LINC00237: variants seen among roughly 807,000 people sequenced by gnomAD.
The protein encoded by LINC00237 is long intergenic non-protein coding RNA 237.
intron 1 of LINC00237, among the ~76,000 whole-genome samples, chr20:21,094,793 TATTCCCA>T (rs2030835468): frequency 6.6e-6 from 1 of 152,228 alleles, no homozygotes; most frequent in Non-Finnish European, 1.5e-5. Context: ...CTTACACCTG[TATTCCCA>T]GCACTTTGGG....
chr20:21,104,969 G>T (rs2030979194), intron 1 of LINC00237, among the ~76,000 whole-genome samples: 1 of 152,198 alleles, frequency 6.6e-6, no homozygotes, highest in Admixed American at 6.5e-5. Flanking sequence ...GAGAAGCTGG[G>T]AGAGAAATGG....
chr20:21,086,635 C>CTACATATAGTATACTA (rs1555861046), intron 3 of LINC00237, among the ~76,000 whole-genome samples: 1 of 68,648 alleles, frequency 1.5e-5, no homozygotes, highest in African/African-American at 4.9e-5. Context: ...ATATAGTATA[C>CTACATATAGTATACTA]TATATATAGT....
At chr20:21,099,627 C>G (rs2030904544) in intron 1 of LINC00237, among the ~76,000 whole-genome samples, 1 of 152,150 alleles carries the variant, frequency 6.6e-6, no homozygotes, top group African/African-American at 2.4e-5. Flanking sequence ...TGACAGACGA[C>G]CTGCTGACAC....
intron 2 of LINC00237, among the ~76,000 whole-genome samples, chr20:21,092,330 G>A (rs779373759): frequency 1.3e-5 from 2 of 152,206 alleles, no homozygotes; most frequent in Non-Finnish European, 2.9e-5. Flanking sequence ...TCAAGTCTCA[G>A]TGTGGTTGGA....
intron 1 of LINC00237, among the ~76,000 whole-genome samples, chr20:21,095,158 CA>C (rs1328059403): frequency 1.3e-5 from 2 of 152,170 alleles, no homozygotes; most frequent in African/African-American, 4.8e-5. Flanking sequence ...ATGGGAGTAA[CA>C]GTCTGGGACT....
At chr20:21,086,712 C>T (rs190115887) in intron 3 of LINC00237, among the ~76,000 whole-genome samples, 24 of 10,168 alleles carry the variant, frequency 2.4e-3, no homozygotes, top group African/African-American at 5.1e-3. Flanking sequence ...ACTATATATA[C>T]ATATATACTA....
chr20:21,105,815 C>T (rs1361287799), intron 1 of LINC00237, among the ~76,000 whole-genome samples: 1 of 152,214 alleles, frequency 6.6e-6, no homozygotes, highest in Non-Finnish European at 1.5e-5. Flanking sequence ...CATCCACTCC[C>T]TCTTCCCCCG....
chr20:21,100,965 C>T (rs1024725292), intron 1 of LINC00237, among the ~76,000 whole-genome samples: 2 of 152,202 alleles, frequency 1.3e-5, no homozygotes, highest in South Asian at 2.1e-4. Context: ...CGCCTTTCAG[C>T]TCCTCGCAGT....
intron 1 of LINC00237, among the ~76,000 whole-genome samples, chr20:21,099,818 A>G (rs2030907190): frequency 6.6e-6 from 1 of 152,152 alleles, no homozygotes; most frequent in South Asian, 2.1e-4. Flanking sequence ...ACGTTTCCAA[A>G]CTGAATAGTC....
At chr20:21,093,497 C>T (rs559646917) in exon 2 of LINC00237, 5 of 152,362 alleles carry the variant, frequency 3.3e-5, no homozygotes, top group African/African-American at 1.2e-4. Flanking sequence ...CCAGTTCTCC[C>T]ACAGCATTAC....
At chr20:21,094,943 C>T (rs1195830844) in intron 1 of LINC00237, among the ~76,000 whole-genome samples, 3 of 152,080 alleles carry the variant, frequency 2.0e-5, no homozygotes, top group Non-Finnish European at 4.4e-5. Context: ...TCCAGTTACT[C>T]AGGAGGCTGA....
chr20:21,094,624 C>T (rs2030832423), intron 1 of LINC00237, among the ~76,000 whole-genome samples: 1 of 152,102 alleles, frequency 6.6e-6, no homozygotes, highest in Non-Finnish European at 1.5e-5. Context: ...TCAGTTTTTC[C>T]CATTCCATGT....
intron 1 of LINC00237, among the ~76,000 whole-genome samples, chr20:21,103,482 CAA>C (rs1255391632): frequency 6.6e-6 from 1 of 152,158 alleles, no homozygotes; most frequent in Non-Finnish European, 1.5e-5. Flanking sequence ...CCCTGAAAAG[CAA>C]AAGAGGCCGA....
At chr20:21,104,968 G>A (rs1312096480) in intron 1 of LINC00237, among the ~76,000 whole-genome samples, 1 of 152,166 alleles carries the variant, frequency 6.6e-6, no homozygotes, top group Non-Finnish European at 1.5e-5. Context: ...GGAGAAGCTG[G>A]GAGAGAAATG....
intron 1 of LINC00237, among the ~76,000 whole-genome samples, chr20:21,095,289 CAG>C (rs1475857465): frequency 1.3e-5 from 2 of 152,144 alleles, no homozygotes; most frequent in African/African-American, 4.8e-5. Flanking sequence ...CATGTGGAGA[CAG>C]GCCCTGGGAG....
At chr20:21,087,551 A>G (rs1215264640) in intron 3 of LINC00237, 1 of 152,176 alleles carries the variant, frequency 6.6e-6, no homozygotes, top group Non-Finnish European at 1.5e-5. Flanking sequence ...ATGGTAGCTT[A>G]TGAAAGTGCC....
chr20:21,092,717 T>A (rs1358217915), intron 2 of LINC00237: 1 of 152,222 alleles, frequency 6.6e-6, no homozygotes, highest in Non-Finnish European at 1.5e-5. Context: ...TATGTATATT[T>A]TCTGATGCTG....
intron 1 of LINC00237, among the ~76,000 whole-genome samples, chr20:21,103,213 TG>T (rs1320178472): frequency 6.6e-6 from 1 of 152,268 alleles, no homozygotes; most frequent in Non-Finnish European, 1.5e-5. Flanking sequence ...CTCGCACACC[TG>T]CCCATCTTTC....
At chr20:21,086,123 T>C (rs2122162757) in intron 3 of LINC00237, among the ~76,000 whole-genome samples, 1 of 152,330 alleles carries the variant, frequency 6.6e-6, no homozygotes, top group African/African-American at 2.4e-5. Context: ...ATTTTTATTA[T>C]ACTGCACAGC....
Sources: allele counts gnomAD v4.1 joint callset (sites outside exome capture counted in the v4.1 genomes callset), GRCh38; gene constraint gnomAD v4.1.1; transcripts MANE v1.5; gene names NCBI Gene and HGNC (gene_info 2026-07-23, HGNC 2026-07-21).